The following FAM186A variants were observed in gnomAD, a reference collection of about 807,000 sequenced individuals.
FAM186A encodes family with sequence similarity 186 member A, also known as protein FAM186A.
FAM186A carries 163 observed loss-of-function variants against 216.8 expected under a neutral mutation model. The ratio of observed to expected loss-of-function variants is 0.75; its 90% CI spans 0.66 to 0.86. The LOEUF (loss-of-function observed/expected upper bound fraction) is 0.86, where lower values mean the gene tolerates loss of function less well. FAM186A is among the 40% of genes least tolerant of loss of function. The pLI, the probability that FAM186A is intolerant of heterozygous loss-of-function variation, is 0.00. For missense variants in FAM186A, 2,184 were observed against 2,746.2 expected, an observed-to-expected ratio of 0.80 and a Z score of 4.58; for synonymous variants, 805 against 1,025.3, an observed-to-expected ratio of 0.79 and a Z score of 4.10.
intron 1 of FAM186A, among the ~76,000 whole-genome samples, chr12:50,375,960 G>A (rs993725916): frequency 1.3e-5 from 2 of 152,078 alleles, no homozygotes; most frequent in African/African-American, 4.8e-5. Flanking sequence ...ACCGAGGGGT[G>A]TGTGAGCAAG....
Position 50,333,980 on chromosome 12 carries a change from A to C in FAM186A, c.6627T>G (p.Thr2209=), listed in dbSNP as rs971946047. ...TCTGCCCTAGAGACTTCTGCTTCTCAGTCCAGACCTGCATCACCTTTTTCC... is the reference window on the plus strand; with the variant it reads ...TCTGCCCTAGAGACTTCTGCTTCTCCGTCCAGACCTGCATCACCTTTTTCC... ...DYGKKVMQVW[T]EKQKSLGQKR... Residue 2209 remains threonine, a synonymous_variant, in exon 5 of 8, where the codon ACT becomes ACG. Transcript: ENST00000327337. The C allele has an allele frequency of 6.8e-5, 105 of 1,551,574 alleles. No individual in the cohort carries two copies. The highest frequency in any genetic ancestry group is 8.9e-5 in the Non-Finnish European group (102 of 1,147,018).
At chr12:50,386,581 A>G (rs1433909924) in intron 1 of FAM186A, among the ~76,000 whole-genome samples, 3 of 150,930 alleles carry the variant, frequency 2.0e-5, no homozygotes, top group Non-Finnish European at 4.4e-5. Context: ...GAAAAAGAAC[A>G]TTTTGGCCGG....
rs763530426 is a variant in FAM186A, at chr12:50,350,565, T to C, written c.6267A>G (p.Lys2089=). The change falls in exon 4 of 8, where the codon AAA becomes AAG. Residue 2089 remains lysine, a synonymous_variant. Transcript: ENST00000327337. ...GAGGAGAGGAAGGGGGCACCATTAC[T>C]TTGGGTTTCTTGGTATCTGAAACTG... The part of the protein sequence containing the change: ...LSSVSDTKKP[K]VMVPPSSPQE... 6 of 1,551,660 alleles carry C rather than the reference T, an allele frequency of 3.9e-6. No individual in the cohort carries two copies. The highest frequency in any genetic ancestry group is 5.2e-6 in the Non-Finnish European group (6 of 1,146,990).
chr12:50,393,033 T>G lies in FAM186A; in HGVS notation c.192+3260A>C, dbSNP rs528400319. Among the ~76,000 whole-genome samples, 56 of 151,010 alleles carry G rather than the reference T, an allele frequency of 3.7e-4. 1 individual carries two copies. The highest frequency in any genetic ancestry group is 6.8e-3 in the Middle Eastern group (2 of 292). On this transcript the variant is annotated intron_variant, in intron 1 of 7. Transcript: ENST00000327337. Reference sequence around the variant, plus strand: ...GCTCTGCCTCCCGGGTTCACGCCATTCTCCTGCCTCAGCCTCCCGAGTGGG... The same window carrying G: ...GCTCTGCCTCCCGGGTTCACGCCATGCTCCTGCCTCAGCCTCCCGAGTGGG...
intron 1 of FAM186A, among the ~76,000 whole-genome samples, chr12:50,378,343 A>G (rs1203010887): frequency 6.6e-6 from 1 of 151,812 alleles, no homozygotes; most frequent in Non-Finnish European, 1.5e-5. Flanking sequence ...AGCCTGGCCA[A>G]GATGGTGAAA....
chr12:50,343,746 G>A (rs1241897836), intron 4 of FAM186A, among the ~76,000 whole-genome samples: 2 of 152,166 alleles, frequency 1.3e-5, no homozygotes, highest in African/African-American at 4.8e-5. Context: ...AGCCTCCAGA[G>A]TAGCTGGGAC....
At chr12:50,342,816 GAGTGC>G (rs1942778207) in intron 4 of FAM186A, among the ~76,000 whole-genome samples, 1 of 151,688 alleles carries the variant, frequency 6.6e-6, no homozygotes, top group Non-Finnish European at 1.5e-5. Context: ...ACCCAGGGTG[GAGTGC>G]AGTGGCACAA....
rs368003807 is a variant in FAM186A at position 50,355,711 on chromosome 12, A to T, written c.1121T>A (p.Met374Lys). Reference sequence around the variant, plus strand: ...AAGTTCCTTGTCTAAAATATTGTCCATATTGTCCTCAGTATCACCAACTTT... The same window carrying T: ...AAGTTCCTTGTCTAAAATATTGTCCTTATTGTCCTCAGTATCACCAACTTT... ...IIKVGDTEDN[M>K]DNILDKELEN... The change falls in exon 4 of 8, where the codon ATG becomes AAG. Residue 374 changes from methionine (M) to lysine (K), a missense_variant. Met to Lys is a moderately conservative substitution (Grantham distance 95). This residue lies in a region of FAM186A where 1,132 missense variants were observed against 1,263.4 expected (regional missense o/e 0.90). Transcript: ENST00000327337. The T allele has an allele frequency of 1.3e-6, 2 of 1,551,492 alleles. No homozygotes were observed. Among genetic ancestry groups the T allele is most frequent in the African/African-American group, 2.7e-5 (2 of 73,056 alleles).
chr12:50,333,922 C>T lies in FAM186A; in HGVS notation c.6685G>A (p.Val2229Ile), dbSNP rs772861665. ...RNQCLKKMIH[V>I]FNQLKKIHEL... is the part of the protein sequence containing the mutation. ...GGAAAGCAGGTTACCTGGTTGAATA[C>T]GTGTATCATTTTCTTCAGGCACTGA... Residue 2229 changes from valine (V) to isoleucine (I), a missense_variant, in exon 5 of 8, where the codon GTA (valine) becomes ATA (isoleucine). Physicochemically the swap from Val to Ile is conservative, Grantham distance 29 (BLOSUM62 3). Around this residue, in one of 7 missense-constraint regions of FAM186A, gnomAD observed 721 missense variants for 816.4 expected, o/e 0.88. Coordinates refer to ENST00000327337, the MANE Select transcript of FAM186A (RefSeq NM_001145475.3). The T allele has an allele frequency of 1.8e-5, 28 of 1,550,612 alleles. No homozygotes were observed. The Middle Eastern group carries it at 5.0e-4, about 28-fold the overall frequency.
intron 1 of FAM186A, among the ~76,000 whole-genome samples, chr12:50,381,656 A>C (rs1214505025): frequency 6.6e-6 from 1 of 152,216 alleles, no homozygotes; most frequent in Non-Finnish European, 1.5e-5. Context: ...AACCGAACAT[A>C]AACTTTAAGT....
intron 1 of FAM186A, among the ~76,000 whole-genome samples, chr12:50,380,521 C>CA (rs60955395): frequency 4.2e-4 from 32 of 76,402 alleles, no homozygotes; most frequent in African/African-American, 1.5e-3. Flanking sequence ...ACTAAAAATA[C>CA]AAAAAAAAAA....
intron 6 of FAM186A, 88 bp downstream of exon 6, chr12:50,331,582 G>T (rs887235606): frequency 8.0e-7 from 1 of 1,242,338 alleles, no homozygotes; most frequent in Non-Finnish European, 1.1e-6. Context: ...TTTGATAATT[G>T]TGGAGAAAGG....
At chr12:50,366,755 G>A (rs780717023) in intron 1 of FAM186A, among the ~76,000 whole-genome samples, 17 of 150,146 alleles carry the variant, frequency 1.1e-4, no homozygotes, top group African/African-American at 3.9e-4. Context: ...GCTCACGCCT[G>A]TAATCCCAGC....
chr12:50,388,524 C>T (rs752908797), intron 1 of FAM186A, among the ~76,000 whole-genome samples: 12 of 150,908 alleles, frequency 8.0e-5, no homozygotes, highest in Non-Finnish European at 1.6e-4. Context: ...GAGGCTGAGG[C>T]AGGAGAATCG....
At chr12:50,393,490 C>G (rs1397803307) in intron 1 of FAM186A, among the ~76,000 whole-genome samples, 4 of 149,560 alleles carry the variant, frequency 2.7e-5, no homozygotes, top group Admixed American at 6.7e-5. Context: ...TGCAGTGATC[C>G]GAGGTGGTGC....
intron 1 of FAM186A, among the ~76,000 whole-genome samples, chr12:50,369,459 C>G (rs907408889): frequency 1.7e-4 from 25 of 145,908 alleles, no homozygotes; most frequent in African/African-American, 5.6e-4. Context: ...CCACTGCACT[C>G]CAGCCTCAGC....
chr12:50,374,965 T>C (rs1943183117), intron 1 of FAM186A, among the ~76,000 whole-genome samples: 1 of 151,296 alleles, frequency 6.6e-6, no homozygotes, highest in African/African-American at 2.4e-5. Context: ...GTCACTTGAG[T>C]ACAGAAGTTC....
At chr12:50,340,241 C>A (rs1942749271) in intron 4 of FAM186A, among the ~76,000 whole-genome samples, 1 of 152,148 alleles carries the variant, frequency 6.6e-6, no homozygotes, top group African/African-American at 2.4e-5. Context: ...TCTATAACTG[C>A]ACATGCGCCA....
chr12:50,339,645 TTCTCTTTTATCTTGCC>T (rs1360867692), intron 4 of FAM186A, among the ~76,000 whole-genome samples: 1 of 151,996 alleles, frequency 6.6e-6, no homozygotes, highest in Non-Finnish European at 1.5e-5. Flanking sequence ...TGATTTAGGA[TTCTCTTTTATCTTGCC>T]TCTCTTTTAT....
Sources: allele counts gnomAD v4.1 joint callset (sites outside exome capture counted in the v4.1 genomes callset), GRCh38; gene constraint gnomAD v4.1.1; regional missense constraint gnomAD v4.1.1; transcripts MANE v1.5; gene names NCBI Gene and HGNC (gene_info 2026-07-23, HGNC 2026-07-21).